Variants in IQGAP2 observed in about 807,000 individuals in gnomAD.
IQGAP2 encodes ras GTPase-activating-like protein IQGAP2.
IQGAP2 carries 173 observed loss-of-function variants against 201.3 expected under a neutral mutation model. The ratio of observed to expected loss-of-function variants is 0.86; its 90% confidence interval spans 0.76 to 0.98. The LOEUF is 0.98. Among genes scored for constraint, IQGAP2 ranks in the 50% least tolerant of loss-of-function variants. The pLI is 0.00. For synonymous variants in IQGAP2, 675 were observed against 673.9 expected, an observed-to-expected ratio of 1.00 and a Z score of -0.03; for missense variants, 1,687 against 1,864.8, an observed-to-expected ratio of 0.90 and a Z score of 1.76.
chr5:76,592,791 A>C, intron 8 of IQGAP2, 47 bp from the exon 9 acceptor site: 1 of 1,230,294 alleles, frequency 8.1e-7, no homozygotes, highest in Non-Finnish European at 1.2e-6. Flanking sequence ...CGAGTTTTGG[A>C]AATATTTTAT....
At chr5:76,507,557 A>G (rs1022826554) in intron 2 of IQGAP2, among the ~76,000 whole-genome samples, 5 of 152,254 alleles carry the variant, frequency 3.3e-5, no homozygotes, top group African/African-American at 9.6e-5. Flanking sequence ...AATTAAAATT[A>G]AAAATTTCCG....
chr5:76,592,101 C>T lies in IQGAP2; in HGVS notation c.820-737C>T, dbSNP rs189366126. ...CCTTCCTTGTGGGTCTCTCTGCCTC[C>T]TGTTACTCTCTAAGCCAATCCCTCT... On this transcript the variant is annotated intron_variant, in intron 8 of 35. Coordinates refer to ENST00000274364, the MANE Select transcript of IQGAP2 (RefSeq NM_006633.5). Among the ~76,000 whole-genome samples, 685 of 152,320 alleles carry T rather than the reference C, an allele frequency of 4.5e-3. 4 individuals carry two copies. Among genetic ancestry groups the T allele is most frequent in the Non-Finnish European group, 7.9e-3 (540 of 68,024 alleles).
At position 76,562,464 on chromosome 5, in the gene IQGAP2, G is replaced by A; in HGVS notation, c.215G>A (p.Gly72Glu). 1 of 1,613,858 alleles carries A rather than the reference G, an allele frequency of 6.2e-7. No homozygotes were observed. The highest frequency in any genetic ancestry group is 8.5e-7 in the Non-Finnish European group (1 of 1,179,812). The change falls in exon 3 of 36, where the codon GGA becomes GAA. Residue 72 changes from glycine (G) to glutamate (E), a missense_variant. By Grantham distance (98) the Gly-to-Glu change is moderately conservative. Coordinates refer to ENST00000274364, the MANE Select transcript of IQGAP2 (RefSeq NM_006633.5). ...TTELEEGLRN[G>E]VYLAKLAKFF... The stretch of plus-strand genomic sequence containing the variant: ...GAATTGGAAGAAGGGCTCCGGAATG[G>A]AGTTTACCTTGCAAAGTTAGCCAAG...
chr5:76,504,143 C>G (rs1247363454), intron 2 of IQGAP2, among the ~76,000 whole-genome samples: 1 of 152,170 alleles, frequency 6.6e-6, no homozygotes, highest in Non-Finnish European at 1.5e-5. Context: ...TTGCTTCCTC[C>G]AAACAGTAAT....
intron 20 of IQGAP2, among the ~76,000 whole-genome samples, chr5:76,656,488 GTT>G (rs11347965): frequency 6.6e-6 from 1 of 150,978 alleles, no homozygotes; most frequent in Non-Finnish European, 1.5e-5. Flanking sequence ...GCCGTTTTTG[GTT>G]TTTTTTTTAA....
intron 27 of IQGAP2, among the ~76,000 whole-genome samples, chr5:76,676,510 A>T (rs909899743): frequency 6.6e-6 from 1 of 152,278 alleles, no homozygotes; most frequent in Admixed American, 6.5e-5. Flanking sequence ...TAAAATGTAT[A>T]TTCGACCTGC....
At chr5:76,468,589 T>G (rs182685919) in intron 2 of IQGAP2, among the ~76,000 whole-genome samples, 5 of 152,340 alleles carry the variant, frequency 3.3e-5, no homozygotes, top group Non-Finnish European at 4.4e-5. Context: ...TTAACTGGTT[T>G]CTTCATGAGT....
chr5:76,654,650 A>T (rs2150435485), intron 19 of IQGAP2, among the ~76,000 whole-genome samples: 1 of 152,366 alleles, frequency 6.6e-6, no homozygotes, highest in East Asian at 1.9e-4. Context: ...GAGATATGGG[A>T]ACATAGATTG....
At position 76,627,515 on chromosome 5, in the gene IQGAP2, C is replaced by G; in HGVS notation, c.1612+15C>G. 2.2e-6 allele frequency: 3 copies of G among 1,387,082 alleles called. No homozygotes were observed. The South Asian group carries it at 3.6e-5, about 17-fold the overall frequency. The allele number at this position is 1,387,082 out of a possible 1,614,324, so 85.9% of individuals were successfully genotyped here. On this transcript the variant is annotated intron_variant, in intron 14 of 35. Transcript: ENST00000274364. ...AGCAAAACAATGTAAGCCCTCACCT[C>G]CTTTGCTCTTGAAACTTGCCTTTTT...
At chr5:76,487,894 G>A (rs929701533) in intron 2 of IQGAP2, among the ~76,000 whole-genome samples, 2 of 152,218 alleles carry the variant, frequency 1.3e-5, no homozygotes, top group Admixed American at 1.3e-4. Flanking sequence ...ATTCAAAATG[G>A]TAGAACCATA....
At chr5:76,424,370 C>T (rs1751887197) in intron 1 of IQGAP2, among the ~76,000 whole-genome samples, 1 of 152,072 alleles carries the variant, frequency 6.6e-6, no homozygotes, top group East Asian at 1.9e-4. Flanking sequence ...TGCAATGGCA[C>T]GATCTTGGCT....
rs1274869343 is a variant in IQGAP2 at position 76,623,456 on chromosome 5, C to T, written c.1522-3954C>T. The T allele has an allele frequency of 7.4e-6, 4 of 540,964 alleles. No homozygotes were observed. The East Asian group carries it at 9.0e-5, about 12-fold the overall frequency. 33.5% of individuals were successfully genotyped at this position (540,964 alleles called of 1,614,324 possible). On this transcript the variant is annotated intron_variant, in intron 13 of 35. Transcript: ENST00000274364. ...GCATGACTCAGGCCAAGCCTCTGAA[C>T]GTGTTACGTTATCCCTGGAGAAAGG...
chr5:76,483,190 A>G (rs1755896494), intron 2 of IQGAP2, among the ~76,000 whole-genome samples: 2 of 152,194 alleles, frequency 1.3e-5, no homozygotes, highest in South Asian at 4.1e-4. Context: ...CTTCCTGAAT[A>G]GCATAAATAG....
intron 9 of IQGAP2, among the ~76,000 whole-genome samples, chr5:76,594,657 A>G (rs1020715641): frequency 6.6e-6 from 1 of 152,206 alleles, no homozygotes; most frequent in Non-Finnish European, 1.5e-5. Context: ...CAATGAGACA[A>G]TTGTACACTT....
chr5:76,418,426 G>A (rs1043604955), intron 1 of IQGAP2, among the ~76,000 whole-genome samples: 4 of 151,884 alleles, frequency 2.6e-5, no homozygotes, highest in Non-Finnish European at 5.9e-5. Flanking sequence ...GGCTGGACCC[G>A]GTGGCTCACG....
intron 10 of IQGAP2, 63 bp downstream of exon 10, chr5:76,597,665 A>T: frequency 1.3e-6 from 2 of 1,546,702 alleles, no homozygotes; most frequent in Non-Finnish European, 1.8e-6. Flanking sequence ...GCACTAGGGA[A>T]GCCTAGTTAG....
At chr5:76,644,071 C>A in intron 17 of IQGAP2, among the ~76,000 whole-genome samples, 1 of 151,736 alleles carries the variant, frequency 6.6e-6, no homozygotes, top group Non-Finnish European at 1.5e-5. Context: ...AGCATAGCAG[C>A]CAGTGTATCA....
chr5:76,597,181 A>G, intron 9 of IQGAP2: 1 of 427,488 alleles, frequency 2.3e-6, no homozygotes, highest in South Asian at 3.4e-5. Flanking sequence ...TTTGGAAGGA[A>G]GTCATGCTAC....
In IQGAP2 at chr5:76,597,482, T is replaced by A. The variant is rs1747117639; in HGVS notation, c.951T>A (p.Gly317=). 1 of 1,613,974 alleles carries A rather than the reference T, an allele frequency of 6.2e-7. No individual in the cohort carries two copies. Among genetic ancestry groups the A allele is most frequent in the Non-Finnish European group, 8.5e-7 (1 of 1,179,972 alleles). Residue 317 remains glycine (G), a synonymous_variant, in exon 10 of 36, where the codon GGT becomes GGA. Transcript: ENST00000274364. The part of the protein sequence containing the change: ...VDHINAVIPE[G]DPENTLLALK... The stretch of plus-strand genomic sequence containing the variant: ...ATATCAATGCTGTCATTCCGGAAGG[T>A]GACCCCGAGAATACGCTGCTTGCAC...
Sources: allele counts gnomAD v4.1 joint callset (sites outside exome capture counted in the v4.1 genomes callset), GRCh38; gene constraint gnomAD v4.1.1; transcripts MANE v1.5; gene names NCBI Gene and HGNC (gene_info 2026-07-23, HGNC 2026-07-21).